MAU2: variants seen among roughly 807,000 people sequenced by gnomAD.
MAU2 encodes MAU2 sister chromatid cohesion factor.
In MAU2, 9 loss-of-function variants were observed where a neutral mutation model predicts 89.1. The ratio of observed to expected loss-of-function variants is 0.10; its 90% CI spans 0.06 to 0.18. The LOEUF (loss-of-function observed/expected upper bound fraction) is 0.18, where lower values mean the gene tolerates loss of function less well. Ranked by LOEUF, MAU2 falls within the 10% of genes least tolerant of loss-of-function variation. The pLI, the probability that MAU2 is intolerant of heterozygous loss-of-function variation, is 1.00. For synonymous variants in MAU2, 357 were observed against 343.4 expected (o/e 1.04, Z -0.44); for missense variants, 425 against 803.5 (o/e 0.53, Z 5.69).
At position 19,331,496 on chromosome 19, in the gene MAU2, C is replaced by T. The variant is rs370314710; in HGVS notation, c.277-4222C>T. On this transcript the variant is annotated intron_variant, in intron 1 of 18. Transcript: ENST00000262815. ...CAGCCTGGGCGACAGAGTGCAACTC[C>T]GTCTCAAAAAAAAAAAAATCACGTA... 4.6e-3 allele frequency among the ~76,000 whole-genome samples: 493 copies of T among 107,428 alleles called. 5 individuals carry two copies. The highest frequency in any genetic ancestry group is 0.013 in the African/African-American group (448 of 35,392). 70.5% of individuals were successfully genotyped at this position (107,428 alleles called of 152,430 possible). A position where few individuals can be genotyped will look rare whatever the true frequency, so the allele number is the denominator to read the frequency against.
intron 1 of MAU2, among the ~76,000 whole-genome samples, chr19:19,332,136 G>A (rs139010306): frequency 1.9e-4 from 29 of 152,268 alleles, no homozygotes; most frequent in African/African-American, 6.5e-4. Context: ...AGGCATTGCA[G>A]CCACAACTTT....
chr19:19,342,543 C>G lies in MAU2; in HGVS notation c.744C>G (p.Ser248Arg). 1 of 1,588,748 alleles carries G rather than the reference C, an allele frequency of 6.3e-7. No individual in the cohort carries two copies. Among genetic ancestry groups the G allele is most frequent in the Non-Finnish European group, 8.6e-7 (1 of 1,167,044 alleles). Residue 248 changes from serine to arginine, a missense_variant, in exon 8 of 19, where the codon AGC (serine) becomes AGG (arginine). By Grantham distance (110) the Ser-to-Arg change is moderately radical. Around this residue, in one of 11 missense-constraint regions of MAU2, gnomAD observed 119 missense variants for 299.8 expected, o/e 0.40. Coordinates refer to ENST00000262815, the MANE Select transcript of MAU2 (RefSeq NM_015329.4). Reference sequence around the variant, plus strand: ...GTGTGGGTGCTGCACAGGTGAAGAGCGTGAAGCCGTGTCTGAAGCAGCTGC... The same window carrying G: ...GTGTGGGTGCTGCACAGGTGAAGAGGGTGAAGCCGTGTCTGAAGCAGCTGC... ...THYLDAGQVKSVKPCLKQLQQ... is the reference protein window; with the variant it reads ...THYLDAGQVKRVKPCLKQLQQ...
chr19:19,321,238 TG>T, intron 1 of MAU2, 103 bp downstream of exon 1: 1 of 1,314,818 alleles, frequency 7.6e-7, no homozygotes, highest in Non-Finnish European at 9.9e-7. Flanking sequence ...CTCGGCGACC[TG>T]GGGGCGCGAC....
chr19:19,328,633 G>A (rs2061530838), intron 1 of MAU2, among the ~76,000 whole-genome samples: 1 of 152,114 alleles, frequency 6.6e-6, no homozygotes, highest in South Asian at 2.1e-4. Context: ...ATGTTAGCCA[G>A]GATGGTTTCG....
At chr19:19,336,658 G>A (rs2061599021) in intron 3 of MAU2, among the ~76,000 whole-genome samples, 1 of 152,190 alleles carries the variant, frequency 6.6e-6, no homozygotes, top group African/African-American at 2.4e-5. Context: ...GCTAAGGAGG[G>A]CCAGCAGCTT....
chr19:19,344,773 G>A, intron 10 of MAU2, 76 bp from the exon 11 acceptor site: 1 of 1,215,000 alleles, frequency 8.2e-7, no homozygotes, highest in Non-Finnish European at 1.2e-6. Flanking sequence ...CACCAGCTAT[G>A]GGGTCTCTCC....
Position 19,345,483 on chromosome 19 carries a change from G to A in MAU2, c.1221+114G>A. The A allele has an allele frequency of 1.0e-6, 1 of 993,968 alleles. No individual in the cohort carries two copies. Among genetic ancestry groups the A allele is most frequent in the South Asian group, 1.4e-5 (1 of 73,250 alleles). 61.6% of individuals were successfully genotyped at this position (993,968 alleles called of 1,614,324 possible). A position where few individuals can be genotyped will look rare whatever the true frequency, so the allele number is the denominator to read the frequency against. On this transcript the variant is annotated intron_variant, in intron 12 of 18. Transcript: ENST00000262815. The surrounding 1 kb of genome is among the most constrained non-coding windows in gnomAD (Gnocchi z 4.9). ...GCTAGGTCAGCTATGCAAAGCCGCAGCCCCAGAGGCAATGCACAGTAGTCA... is the reference window on the plus strand; with the variant it reads ...GCTAGGTCAGCTATGCAAAGCCGCAACCCCAGAGGCAATGCACAGTAGTCA...
At chr19:19,326,002 T>TC (rs2061501129) in intron 1 of MAU2, among the ~76,000 whole-genome samples, 1 of 149,472 alleles carries the variant, frequency 6.7e-6, no homozygotes, top group South Asian at 2.1e-4. Flanking sequence ...CAACTGCATT[T>TC]TTTTTTTTTT....
At position 19,342,119 on chromosome 19, in the gene MAU2, C is replaced by T. The variant is rs1201803678; in HGVS notation, c.736-416C>T. 2.6e-5 allele frequency among the ~76,000 whole-genome samples: 4 copies of T among 152,294 alleles called. No homozygotes were observed. The East Asian group carries it at 7.7e-4, about 29-fold the overall frequency. ...CAGGGTGCAAGGGCTGCAGAGACAT[C>T]CCTCGGGGCCTCAGGGCGAGATGGA... On this transcript the variant is annotated intron_variant, in intron 7 of 18. Coordinates refer to ENST00000262815, the MANE Select transcript of MAU2 (RefSeq NM_015329.4).
intron 6 of MAU2, among the ~76,000 whole-genome samples, 183 bp from the exon 7 acceptor site, chr19:19,341,069 T>G (rs897494171): frequency 1.7e-4 from 26 of 152,302 alleles, no homozygotes; most frequent in Non-Finnish European, 3.2e-4. Context: ...GGCTGCACCC[T>G]ATGGGATTCA....
At chr19:19,322,754 C>G (rs1458219829) in intron 1 of MAU2, among the ~76,000 whole-genome samples, 1 of 149,532 alleles carries the variant, frequency 6.7e-6, no homozygotes, top group Non-Finnish European at 1.5e-5. Flanking sequence ...AAAGAATCAA[C>G]TCAGATTTTA....
At chr19:19,323,666 C>T (rs985213450) in intron 1 of MAU2, among the ~76,000 whole-genome samples, 1 of 151,966 alleles carries the variant, frequency 6.6e-6, no homozygotes, top group African/African-American at 2.4e-5. Flanking sequence ...ACCACCACAC[C>T]CAGCTAATTT....
intron 1 of MAU2, among the ~76,000 whole-genome samples, chr19:19,334,972 G>A (rs118171576): frequency 1.6e-3 from 243 of 152,334 alleles, no homozygotes; most frequent in Non-Finnish European, 2.5e-3. Flanking sequence ...CATGCGAGTC[G>A]CTGGGGACAG....
intron 10 of MAU2, 52 bp downstream of exon 10, chr19:19,343,992 A>C: frequency 9.2e-5 from 133 of 1,438,236 alleles, no homozygotes; most frequent in Non-Finnish European, 1.2e-4. Flanking sequence ...GTTGGGTCTC[A>C]GCAGTGTCAG....
At chr19:19,349,458 C>T in intron 16 of MAU2, 22 bp downstream of exon 16, 5 of 1,605,696 alleles carry the variant, frequency 3.1e-6, no homozygotes, top group Non-Finnish European at 4.3e-6. Context: ...GGCCTGGGCC[C>T]CTCGCTTGGG....
intron 9 of MAU2, among the ~76,000 whole-genome samples, chr19:19,343,519 C>T (rs1224895066): frequency 1.3e-5 from 2 of 152,194 alleles, no homozygotes; most frequent in Non-Finnish European, 2.9e-5. Context: ...TGTCATGATC[C>T]AGGGTGGTTT....
chr19:19,341,436 G>T (rs1045924773), intron 7 of MAU2, 29 bp downstream of exon 7: 1 of 1,611,614 alleles, frequency 6.2e-7, no homozygotes, highest in Non-Finnish European at 8.5e-7. Flanking sequence ...GCGAGCTGCT[G>T]GTTGTGACCA....
At position 19,347,291 on chromosome 19, in the gene MAU2, C is replaced by T. The variant is rs755173900; in HGVS notation, c.1233C>T (p.His411=). The change falls in exon 13 of 19, where the codon CAC becomes CAT. Residue 411 remains histidine (H), a synonymous_variant. Transcript: ENST00000262815. ...GCCTCCCATTCCAGCTCACCAACCACCAGGAGCTGTGGGCCTTCATCGTCA... is the reference window on the plus strand; with the variant it reads ...GCCTCCCATTCCAGCTCACCAACCATCAGGAGCTGTGGGCCTTCATCGTCA... ...QFTTALRLTN[H]QELWAFIVTN... 1.1e-5 allele frequency: 18 copies of T among 1,613,608 alleles called. No individual in the cohort carries two copies. The African/African-American group carries it at 2.1e-4, about 19-fold the overall frequency.
chr19:19,325,430 C>T (rs2061496299), intron 1 of MAU2, among the ~76,000 whole-genome samples: 1 of 152,174 alleles, frequency 6.6e-6, no homozygotes, highest in Non-Finnish European at 1.5e-5. Flanking sequence ...CCCGCCTTGG[C>T]CTCCCAAAGT....
Sources: allele counts gnomAD v4.1 joint callset (sites outside exome capture counted in the v4.1 genomes callset), GRCh38; gene constraint gnomAD v4.1.1; regional missense constraint gnomAD v4.1.1; non-coding constraint Gnocchi (gnomAD v3.1); transcripts MANE v1.5; gene names NCBI Gene and HGNC (gene_info 2026-07-23, HGNC 2026-07-21).